The following ZC3H12B variants were observed in gnomAD, a reference collection of about 807,000 sequenced individuals.
ZC3H12B encodes zinc finger CCCH-type containing 12B.
In ZC3H12B, 7 loss-of-function variants were observed where a neutral mutation model predicts 43.9. That is an observed-to-expected ratio of 0.16 (90% CI 0.09 to 0.30). The LOEUF (loss-of-function observed/expected upper bound fraction) is 0.30. Ranked by LOEUF, ZC3H12B falls within the 10% of genes least tolerant of loss-of-function variation. The pLI is 1.00. For synonymous variants in ZC3H12B, 222 were observed against 241.7 expected (o/e 0.92, Z 0.76); for missense variants, 475 against 670.2 (o/e 0.71, Z 3.22).
the ZC3H12B span, among the ~76,000 whole-genome samples, chrX:65,080,188 G>GAAAAAAA: frequency 1.8e-5 from 1 of 57,059 alleles, no homozygotes; most frequent in Non-Finnish European, 3.5e-5. Flanking sequence ...GAAGACAAAA[G>GAAAAAAA]AAAAAAAAAA....
At chrX:65,381,997 G>C (rs1453153340) in intron 2 of ZC3H12B, among the ~76,000 whole-genome samples, 2 of 111,839 alleles carry the variant, frequency 1.8e-5, no homozygotes, top group African/African-American at 3.3e-5. Flanking sequence ...GGACCAGATG[G>C]ATTCACAGCC....
chrX:65,445,474 T>C (rs2067363372), intron 3 of ZC3H12B, among the ~76,000 whole-genome samples: 1 of 112,603 alleles, frequency 8.9e-6, no homozygotes, highest in African/African-American at 3.2e-5. Context: ...AGTCTCTTGT[T>C]CACTTCCTTT....
chrX:65,126,858 G>T, the ZC3H12B span, among the ~76,000 whole-genome samples: 1 of 107,479 alleles, frequency 9.3e-6, no homozygotes, highest in African/African-American at 3.4e-5. Flanking sequence ...GATTGTGATT[G>T]TTTTTTTATT....
the ZC3H12B span, among the ~76,000 whole-genome samples, chrX:65,268,042 A>G: frequency 9.0e-6 from 1 of 111,235 alleles, no homozygotes; most frequent in Non-Finnish European, 1.9e-5. Flanking sequence ...AAAAAAAGAC[A>G]TGAGACTCAA....
chrX:65,251,084 T>A, the ZC3H12B span, among the ~76,000 whole-genome samples: 1 of 112,124 alleles, frequency 8.9e-6, no homozygotes, highest in Non-Finnish European at 1.9e-5. Context: ...TAACATTTAA[T>A]CCTTTAATAT....
chrX:65,279,661 G>A, the ZC3H12B span, among the ~76,000 whole-genome samples: 2 of 111,677 alleles, frequency 1.8e-5, no homozygotes, highest in East Asian at 2.8e-4. Flanking sequence ...ATAGGAACAA[G>A]CAAAGATTTC....
At chrX:65,449,122 G>A (rs1431281291) in intron 3 of ZC3H12B, among the ~76,000 whole-genome samples, 2 of 110,354 alleles carry the variant, frequency 1.8e-5, no homozygotes, top group Admixed American at 9.6e-5. Context: ...TGGACACATG[G>A]TGGGGAACAA....
chrX:65,353,121 G>C, the ZC3H12B span, among the ~76,000 whole-genome samples: 5 of 111,285 alleles, frequency 4.5e-5, no homozygotes, highest in Admixed American at 9.6e-5. Flanking sequence ...CTCCTTCTTA[G>C]TGCTCAGATT....
the ZC3H12B span, among the ~76,000 whole-genome samples, chrX:65,160,134 G>T: frequency 9.0e-6 from 1 of 111,639 alleles, no homozygotes; most frequent in Admixed American, 9.6e-5. Flanking sequence ...TGGTGGATAA[G>T]GTTTTTGATG....
In ZC3H12B at chrX:65,474,489, G is replaced by C. The variant is rs149026332; in HGVS notation, n.408-14157G>C. On this transcript the variant is annotated intron_variant and non_coding_transcript_variant, in intron 3 of 5. Transcript: ENST00000617377. ...GCCATACTCTGCCTTTGATTGGTGA[G>C]TTTAATCCATTTACATTTAAGGTAA... Among the ~76,000 whole-genome samples the C allele has an allele frequency of 9.4e-4, 105 of 111,852 alleles. 1 individual carries two copies. In the East Asian group the frequency reaches 0.025, roughly 27 times the overall value.
At chrX:65,346,763 C>G in the ZC3H12B span, among the ~76,000 whole-genome samples, 1 of 112,392 alleles carries the variant, frequency 8.9e-6, no homozygotes, top group Non-Finnish European at 1.9e-5. Flanking sequence ...TTTTCCTTCT[C>G]TCACCAGGGC....
chrX:65,192,659 G>T, the ZC3H12B span, among the ~76,000 whole-genome samples: 3 of 111,436 alleles, frequency 2.7e-5, no homozygotes, highest in Admixed American at 9.6e-5. Context: ...TGGCTGACTT[G>T]CATATGTTGA....
At chrX:65,175,447 T>C in the ZC3H12B span, among the ~76,000 whole-genome samples, 1 of 112,229 alleles carries the variant, frequency 8.9e-6, no homozygotes, top group African/African-American at 3.2e-5. Context: ...ATGTAATGAC[T>C]ATCCAGCTCA....
chrX:65,211,173 G>A, the ZC3H12B span, among the ~76,000 whole-genome samples: 1 of 102,352 alleles, frequency 9.8e-6, no homozygotes, highest in Admixed American at 1.1e-4. Context: ...TTCTTTTCTT[G>A]TAAATTTGTT....
At chrX:65,111,338 A>G in the ZC3H12B span, among the ~76,000 whole-genome samples, 2 of 111,134 alleles carry the variant, frequency 1.8e-5, no homozygotes, top group African/African-American at 6.5e-5. Context: ...GCTTTTCACA[A>G]TCAAGTATAA....
the ZC3H12B span, among the ~76,000 whole-genome samples, chrX:65,326,708 A>G: frequency 8.1e-5 from 9 of 111,731 alleles, no homozygotes; most frequent in Admixed American, 6.7e-4. Context: ...AGAGTGATAG[A>G]TATACCAAGC....
the ZC3H12B span, among the ~76,000 whole-genome samples, chrX:65,073,200 G>A: frequency 2.0e-4 from 22 of 112,664 alleles, no homozygotes; most frequent in African/African-American, 4.8e-4. Context: ...ACACACACAC[G>A]CATGCATGCA....
chrX:65,100,420 C>T, the ZC3H12B span, among the ~76,000 whole-genome samples: 1 of 107,421 alleles, frequency 9.3e-6, no homozygotes, highest in Non-Finnish European at 1.9e-5. Flanking sequence ...GAGCTGATTG[C>T]CCCAATTAAA....
chrX:65,073,351 G>C, the ZC3H12B span, among the ~76,000 whole-genome samples: 1 of 112,124 alleles, frequency 8.9e-6, no homozygotes, highest in Non-Finnish European at 1.9e-5. Flanking sequence ...GTCTGTGGGG[G>C]CCACTCTGCT....
Sources: gnomAD v4.1 joint callset for allele counts (sites outside exome capture counted in the v4.1 genomes callset) on GRCh38, gnomAD v4.1.1 for gene constraint, MANE v1.5 for transcripts, NCBI Gene and HGNC (gene_info 2026-07-23, HGNC 2026-07-21) for gene names.